EFCAB6: variants seen among roughly 807,000 people sequenced by gnomAD.
EFCAB6 encodes EF-hand calcium binding domain 6.
Under a neutral mutation model 169.8 loss-of-function variants are expected in EFCAB6, and 156 were observed. The observed-to-expected ratio is 0.92, with a 90% CI of 0.81 to 1.05. The LOEUF (loss-of-function observed/expected upper bound fraction) is 1.05. EFCAB6 is among the 50% of genes least tolerant of loss of function. The pLI, the probability that EFCAB6 is intolerant of heterozygous loss-of-function variation, is 0.00. For missense variants in EFCAB6, 1,800 were observed against 1,829.1 expected (o/e 0.98, Z 0.29); for synonymous variants, 698 against 676.4 (o/e 1.03, Z -0.50).
At chr22:43,589,963 G>A (rs538100065) in intron 24 of EFCAB6, 111 bp downstream of exon 24, 37 of 1,363,194 alleles carry the variant, frequency 2.7e-5, no homozygotes, top group South Asian at 1.3e-4. Context: ...GACATGGAGG[G>A]TATTTTCATC....
intron 9 of EFCAB6, among the ~76,000 whole-genome samples, chr22:43,714,451 A>C (rs1644533899): frequency 6.6e-6 from 1 of 152,136 alleles, no homozygotes; most frequent in Non-Finnish European, 1.5e-5. Context: ...TCTGTCCATC[A>C]CACTGTATTC....
intron 17 of EFCAB6, among the ~76,000 whole-genome samples, chr22:43,659,686 T>C (rs947273825): frequency 1.3e-5 from 2 of 151,974 alleles, no homozygotes; most frequent in Non-Finnish European, 2.9e-5. Context: ...CCTAATTCAC[T>C]CTGTTACCAT....
intron 3 of EFCAB6, among the ~76,000 whole-genome samples, chr22:43,780,743 A>C (rs576553212): frequency 6.6e-6 from 1 of 152,204 alleles, no homozygotes; most frequent in African/African-American, 2.4e-5. Context: ...GGGTAGACAC[A>C]CGGTTGTTGG....
At chr22:43,627,189 C>T (rs1277909555) in intron 19 of EFCAB6, among the ~76,000 whole-genome samples, 2 of 152,186 alleles carry the variant, frequency 1.3e-5, no homozygotes, top group Non-Finnish European at 2.9e-5. Context: ...CACAAGCCTG[C>T]CACAACTGAA....
chr22:43,561,600 C>A (rs2049041766), intron 26 of EFCAB6, among the ~76,000 whole-genome samples: 1 of 152,038 alleles, frequency 6.6e-6, no homozygotes, highest in Admixed American at 6.5e-5. Flanking sequence ...CCATCAAGGG[C>A]ATTTTGGCTG....
intron 2 of EFCAB6, among the ~76,000 whole-genome samples, chr22:43,800,226 C>T (rs2062658055): frequency 6.6e-6 from 1 of 152,190 alleles, no homozygotes; most frequent in Admixed American, 6.5e-5. Flanking sequence ...TGGGACCTCC[C>T]CCATTCAGGA....
intron 23 of EFCAB6, among the ~76,000 whole-genome samples, chr22:43,598,622 AT>A (rs1365164287): frequency 1.3e-5 from 2 of 152,326 alleles, no homozygotes; most frequent in Non-Finnish European, 1.5e-5. Context: ...TTAATTGTAT[AT>A]TTAAAAATAT....
chr22:43,631,252 G>C (rs893747978), intron 19 of EFCAB6, among the ~76,000 whole-genome samples: 2 of 150,286 alleles, frequency 1.3e-5, no homozygotes, highest in Non-Finnish European at 3.0e-5. Flanking sequence ...CCTGTCTCGG[G>C]GTTCGCCTTA....
rs200223719 is a variant in EFCAB6, at chr22:43,782,281, G to C, written c.38C>G (p.Ser13Trp). 6 of 1,614,036 alleles carry C rather than the reference G, an allele frequency of 3.7e-6. No individual in the cohort carries two copies. Among genetic ancestry groups the C allele is most frequent in the South Asian group, 3.3e-5 (3 of 91,058 alleles). ...KMAIIPDWLRSHPHTRKFTHS... is the reference protein window; with the variant it reads ...KMAIIPDWLRWHPHTRKFTHS... The stretch of plus-strand genomic sequence containing the variant: ...TGTAAATTTTCGTGTGTGAGGATGC[G>C]ACCTAAGCCAGTCTGGTATAATCGC... The change falls in exon 3 of 32, where the codon TCG becomes TGG. Residue 13 changes from serine to tryptophan, a missense_variant. By Grantham distance (177) the Ser-to-Trp change is radical (BLOSUM62 -3). Coordinates refer to ENST00000262726, the MANE Select transcript of EFCAB6 (RefSeq NM_022785.4).
At chr22:43,727,236 G>T (rs960411098) in intron 8 of EFCAB6, among the ~76,000 whole-genome samples, 1 of 152,092 alleles carries the variant, frequency 6.6e-6, no homozygotes, top group Non-Finnish European at 1.5e-5. Flanking sequence ...GACTAGGCTG[G>T]GCATGACAGT....
intron 10 of EFCAB6, among the ~76,000 whole-genome samples, chr22:43,690,442 G>A (rs1373095833): frequency 1.3e-5 from 2 of 151,206 alleles, no homozygotes; most frequent in African/African-American, 4.9e-5. Context: ...CGTGAACCCA[G>A]GAGGCGGAGC....
intron 26 of EFCAB6, among the ~76,000 whole-genome samples, chr22:43,574,688 A>C (rs963993048): frequency 2.0e-5 from 3 of 152,130 alleles, no homozygotes; most frequent in Non-Finnish European, 4.4e-5. Context: ...AAGGGTCACT[A>C]TAAAACAAGA....
chr22:43,808,157 A>G (rs1330924679), intron 2 of EFCAB6, among the ~76,000 whole-genome samples: 1 of 152,218 alleles, frequency 6.6e-6, no homozygotes, highest in African/African-American at 2.4e-5. Flanking sequence ...TCTCAATGAT[A>G]TGGTATAACG....
chr22:43,610,085 T>A lies in EFCAB6; in HGVS notation c.2563-1485A>T, dbSNP rs554058293. 9.8e-5 allele frequency among the ~76,000 whole-genome samples: 15 copies of A among 152,356 alleles called. No individual in the cohort carries two copies. The East Asian group carries it at 2.5e-3, about 25-fold the overall frequency. On this transcript the variant is annotated intron_variant, in intron 21 of 31. Coordinates refer to ENST00000262726, the MANE Select transcript of EFCAB6 (RefSeq NM_022785.4). ...GTGAAAGTTGAAACTGTCAAGCTCC[T>A]GTAAGAGAGTGTGAGAGAACATCTT... is the stretch of plus-strand genomic sequence containing the variant.
intron 27 of EFCAB6, among the ~76,000 whole-genome samples, chr22:43,542,631 C>A (rs1303950736): frequency 6.6e-6 from 1 of 152,156 alleles, no homozygotes; most frequent in East Asian, 1.9e-4. Flanking sequence ...CCACAGGATT[C>A]CTATTTTCAT....
intron 24 of EFCAB6, among the ~76,000 whole-genome samples, chr22:43,581,268 G>A (rs538916396): frequency 6.6e-6 from 1 of 152,282 alleles, no homozygotes; most frequent in Admixed American, 6.5e-5. Context: ...GAGGAACTGA[G>A]TAAGAAATAC....
At chr22:43,765,512 C>T (rs1397886405) in intron 4 of EFCAB6, 119 bp from the exon 5 acceptor site, 9 of 666,694 alleles carry the variant, frequency 1.3e-5, no homozygotes, top group East Asian at 8.7e-5. Context: ...ATTAACAGGA[C>T]GAGCATTCCA....
intron 20 of EFCAB6, among the ~76,000 whole-genome samples, chr22:43,623,091 G>A (rs1306551262): frequency 6.6e-6 from 1 of 152,212 alleles, no homozygotes; most frequent in Admixed American, 6.5e-5. Context: ...CAAAGATGAT[G>A]GTGACACTGA....
chr22:43,735,209 G>A (rs565398978), intron 7 of EFCAB6, among the ~76,000 whole-genome samples: 5 of 152,162 alleles, frequency 3.3e-5, no homozygotes, highest in African/African-American at 4.8e-5. Context: ...AAAAATGCCC[G>A]TGCAGGCTTC....
Sources: gnomAD v4.1 joint callset for allele counts (sites outside exome capture counted in the v4.1 genomes callset) on GRCh38, gnomAD v4.1.1 for gene constraint, MANE v1.5 for transcripts, NCBI Gene and HGNC (gene_info 2026-07-23, HGNC 2026-07-21) for gene names.